SMARCC1: variants seen among roughly 807,000 people sequenced by gnomAD.
SMARCC1 encodes SWI/SNF complex subunit SMARCC1.
A neutral mutation model predicts 147.4 loss-of-function variants in SMARCC1; 43 were observed. The ratio of observed to expected loss-of-function variants is 0.29; its 90% CI spans 0.23 to 0.38. The LOEUF is 0.38. SMARCC1 is among the 10% of genes least tolerant of loss of function. The pLI is 1.00. For missense variants in SMARCC1, 1,119 were observed against 1,381.1 expected, an observed-to-expected ratio of 0.81 and a Z score of 3.01; for synonymous variants, 495 against 484.4, an observed-to-expected ratio of 1.02 and a Z score of -0.29.
At chr3:47,688,913 G>A (rs574789548) in intron 13 of SMARCC1, among the ~76,000 whole-genome samples, 3 of 152,266 alleles carry the variant, frequency 2.0e-5, no homozygotes, top group Non-Finnish European at 4.4e-5. Context: ...TGGGGTCCAA[G>A]AAAGTCAAGT....
chr3:47,765,546 C>T (rs534506926), intron 2 of SMARCC1, among the ~76,000 whole-genome samples: 41 of 152,074 alleles, frequency 2.7e-4, no homozygotes, highest in African/African-American at 9.2e-4. Context: ...GCTCATATTC[C>T]ACTTTCATCA....
At chr3:47,753,547 C>T (rs2034653149) in intron 2 of SMARCC1, among the ~76,000 whole-genome samples, 1 of 151,138 alleles carries the variant, frequency 6.6e-6, no homozygotes, top group Non-Finnish European at 1.5e-5. Context: ...CCCGTCTCTA[C>T]TAAAAATACA....
Position 47,714,498 on chromosome 3 carries a change from G to A in SMARCC1, c.717-8C>T. ...TGGACCCAAGTATCATAGCTATAAA[G>A]GAATCAAAATGAGAAAAACAAATTA... On this transcript the variant is annotated splice_polypyrimidine_tract_variant and splice_region_variant and intron_variant, in intron 7 of 27. Coordinates refer to ENST00000254480, the MANE Select transcript of SMARCC1 (RefSeq NM_003074.4). The A allele has an allele frequency of 6.9e-7, 1 of 1,451,516 alleles. No individual in the cohort carries two copies. Among genetic ancestry groups the A allele is most frequent in the Non-Finnish European group, 9.5e-7 (1 of 1,056,950 alleles). 89.9% of individuals were successfully genotyped at this position (1,451,516 alleles called of 1,614,324 possible).
At chr3:47,780,852 T>C (rs967543104) in intron 1 of SMARCC1, among the ~76,000 whole-genome samples, 1 of 152,082 alleles carries the variant, frequency 6.6e-6, no homozygotes, top group African/African-American at 2.4e-5. Context: ...ACATTTGTTA[T>C]AAACAAAGGA....
chr3:47,663,469 G>T (rs987893335), intron 19 of SMARCC1, among the ~76,000 whole-genome samples: 1 of 152,244 alleles, frequency 6.6e-6, no homozygotes, highest in African/African-American at 2.4e-5. Context: ...ATAAAAGCTG[G>T]GTGTAGTGGC....
chr3:47,594,351 T>C (rs371747396), intron 26 of SMARCC1, among the ~76,000 whole-genome samples: 9 of 152,204 alleles, frequency 5.9e-5, no homozygotes, highest in Admixed American at 2.0e-4. Context: ...TGCTGGAAAA[T>C]AACTTGGTCA....
At chr3:47,774,663 C>T (rs971885416) in intron 1 of SMARCC1, among the ~76,000 whole-genome samples, 2 of 151,844 alleles carry the variant, frequency 1.3e-5, no homozygotes, top group East Asian at 3.9e-4. Context: ...GTGATCCACC[C>T]GCCTCAGCCT....
chr3:47,601,427 A>T (rs752556617), intron 26 of SMARCC1, among the ~76,000 whole-genome samples: 37 of 152,264 alleles, frequency 2.4e-4, no homozygotes, highest in Non-Finnish European at 3.7e-4. Context: ...CCTCTGGCTG[A>T]GTCTCCTGGA....
chr3:47,682,294 CAAA>C (rs71070209), intron 14 of SMARCC1, among the ~76,000 whole-genome samples: 1 of 92,198 alleles, frequency 1.1e-5, no homozygotes. Context: ...GACTCCGTTT[CAAA>C]AAAAAAAAAA....
At chr3:47,633,703 C>T (rs2032922352) in intron 24 of SMARCC1, among the ~76,000 whole-genome samples, 1 of 137,396 alleles carries the variant, frequency 7.3e-6, no homozygotes, top group Non-Finnish European at 1.5e-5. Context: ...AAGATCACAC[C>T]ACTGCACTAC....
At chr3:47,657,490 T>A (rs2033278614) in intron 21 of SMARCC1, among the ~76,000 whole-genome samples, 1 of 152,008 alleles carries the variant, frequency 6.6e-6, no homozygotes, top group Non-Finnish European at 1.5e-5. Flanking sequence ...AAAGAAGAAA[T>A]CACAACAGAA....
At chr3:47,692,873 C>A (rs1191827241) in intron 12 of SMARCC1, among the ~76,000 whole-genome samples, 3 of 152,088 alleles carry the variant, frequency 2.0e-5, no homozygotes, top group African/African-American at 7.2e-5. Context: ...CAAAAATTAG[C>A]TGGGCGTGGT....
At chr3:47,592,640 T>C (rs2032202940) in intron 26 of SMARCC1, among the ~76,000 whole-genome samples, 1 of 152,134 alleles carries the variant, frequency 6.6e-6, no homozygotes, top group African/African-American at 2.4e-5. Flanking sequence ...TCTACTCAGT[T>C]TGGAGTGCAG....
At chr3:47,588,756 C>T (rs1043981910) in intron 27 of SMARCC1, among the ~76,000 whole-genome samples, 136 of 128,914 alleles carry the variant, frequency 1.1e-3, no homozygotes, top group Non-Finnish European at 1.6e-3. Context: ...AATAGATTAT[C>T]AATAAATTCT....
At chr3:47,686,223 TATA>T in intron 13 of SMARCC1, 53 bp from the exon 14 acceptor site, 1 of 1,421,592 alleles carries the variant, frequency 7.0e-7, no homozygotes, top group Non-Finnish European at 9.8e-7. Context: ...GAGAGAGATA[TATA>T]TAACATCTCT....
In SMARCC1 at chr3:47,749,736, CAGAGAG is replaced by C. The variant is rs71070224; in HGVS notation, c.316-3749_316-3744del. 3.2e-3 allele frequency among the ~76,000 whole-genome samples: 360 copies of C among 110,838 alleles called. 3 individuals are homozygous for C. Among genetic ancestry groups the C allele is most frequent in the African/African-American group, 0.011 (335 of 29,660 alleles). The allele number at this position is 110,838 out of a possible 152,430, so 72.7% of individuals were successfully genotyped here. On this transcript the variant is annotated intron_variant, in intron 2 of 27. Transcript: ENST00000254480. ...AAACACACACACACAGAGAAAGAGA[CAGAGAG>C]AGAGAGAGAGAGAGAGAGAGAGAGG...
intron 18 of SMARCC1, among the ~76,000 whole-genome samples, chr3:47,673,552 G>C (rs1055709980): frequency 2.6e-5 from 4 of 152,114 alleles, no homozygotes; most frequent in African/African-American, 7.2e-5. Context: ...AGCCAGGCGT[G>C]GTGGCACACG....
intron 19 of SMARCC1, among the ~76,000 whole-genome samples, chr3:47,669,915 G>A (rs2033473761): frequency 6.6e-6 from 1 of 152,212 alleles, no homozygotes; most frequent in Non-Finnish European, 1.5e-5. Flanking sequence ...GGACTGCGAT[G>A]TCAAACAATT....
chr3:47,746,362 C>T (rs1367806330), intron 2 of SMARCC1: 2 of 160,620 alleles, frequency 1.2e-5, no homozygotes, highest in Non-Finnish European at 2.7e-5. Context: ...GGGAGGATCA[C>T]TTCAGCCTGA....
Sources: allele counts gnomAD v4.1 joint callset (sites outside exome capture counted in the v4.1 genomes callset), GRCh38; gene constraint gnomAD v4.1.1; transcripts MANE v1.5; gene names NCBI Gene and HGNC (gene_info 2026-07-23, HGNC 2026-07-21).